Variants in MAN1B1 observed in about 807,000 individuals in gnomAD.
MAN1B1 encodes the protein endoplasmic reticulum mannosyl-oligosaccharide 1,2-alpha-mannosidase.
In MAN1B1, 66 loss-of-function variants were observed where a neutral mutation model predicts 75.5. That is an observed-to-expected ratio of 0.87 (90% CI 0.72 to 1.07). The LOEUF is 1.07. Among genes scored for constraint, MAN1B1 ranks in the 50% least tolerant of loss-of-function variants. MAN1B1 has a pLI of 0.00. For synonymous variants in MAN1B1, 453 were observed against 382.8 expected (o/e 1.18, Z -2.14); for missense variants, 973 against 912.5 (o/e 1.07, Z -0.85).
chr9:137,088,311 T>C, intron 2 of MAN1B1, 128 bp downstream of exon 2: 1 of 1,607,536 alleles, frequency 6.2e-7, no homozygotes. Context: ...GAAATCAAGA[T>C]AAAGAGAAAG....
intron 3 of MAN1B1, among the ~76,000 whole-genome samples, chr9:137,092,980 T>G (rs1457643270): frequency 6.6e-6 from 1 of 152,230 alleles, no homozygotes; most frequent in Non-Finnish European, 1.5e-5. Flanking sequence ...CTGTTGTGAG[T>G]TAGAATATTT....
rs537025315 is a variant in MAN1B1 at position 137,108,238 on chromosome 9, C to T, written c.1897-150C>T. 39 of 706,630 alleles carry T rather than the reference C, an allele frequency of 5.5e-5. 1 individual carries two copies. The highest frequency in any genetic ancestry group is 3.0e-4 in the South Asian group (19 of 63,428). 43.8% of individuals were successfully genotyped at this position (706,630 alleles called of 1,614,324 possible). Reference sequence around the variant, plus strand: ...TGGGCTCCGGTGGAACCACACGGCTCGCCTGGGGGTGGCCATCATCCAGGC... The same window carrying T: ...TGGGCTCCGGTGGAACCACACGGCTTGCCTGGGGGTGGCCATCATCCAGGC... On this transcript the variant is annotated intron_variant, in intron 12 of 12. Coordinates refer to ENST00000371589, the MANE Select transcript of MAN1B1 (RefSeq NM_016219.5).
intron 12 of MAN1B1, chr9:137,108,055 G>C: frequency 3.3e-6 from 2 of 608,316 alleles, no homozygotes; most frequent in East Asian, 2.7e-5. Context: ...TCACTTCCTG[G>C]CTCTGCTGTG....
intron 3 of MAN1B1, 151 bp downstream of exon 3, chr9:137,089,156 G>T: frequency 1.0e-6 from 1 of 979,662 alleles, no homozygotes. Context: ...AATACTTGGG[G>T]AAAGAGAGGC....
intron 7 of MAN1B1, 112 bp downstream of exon 7, chr9:137,101,265 C>G: frequency 7.1e-7 from 1 of 1,402,866 alleles, no homozygotes; most frequent in Non-Finnish European, 1.0e-6. Flanking sequence ...TTCAAATGCA[C>G]TGGAGTCTGT....
Position 137,108,498 on chromosome 9 carries a change from C to T in MAN1B1, c.2007C>T (p.Phe669=). 6.2e-7 allele frequency: 1 copy of T among 1,614,032 alleles called. No individual in the cohort carries two copies. Among genetic ancestry groups the T allele is most frequent in the Non-Finnish European group, 8.5e-7 (1 of 1,180,022 alleles). Reference sequence around the variant, plus strand: ...TGGGGGAGACGCTCAAGTATCTGTTCTTGCTCTTCTCCGATGACCCAAACC... The same window carrying T: ...TGGGGGAGACGCTCAAGTATCTGTTTTTGCTCTTCTCCGATGACCCAAACC... ...FFLGETLKYL[F]LLFSDDPNLL... Residue 669 remains phenylalanine, a synonymous_variant, in exon 13 of 13, where the codon TTC becomes TTT. Transcript: ENST00000371589.
chr9:137,103,482 A>T (rs79755107), intron 8 of MAN1B1: 8 of 132,968 alleles, frequency 6.0e-5, no homozygotes, highest in African/African-American at 1.7e-4. Context: ...CGTGCAGGTC[A>T]GTGGTACACA....
intron 5 of MAN1B1, among the ~76,000 whole-genome samples, chr9:137,099,144 AAAG>A (rs1334763540): frequency 6.6e-6 from 1 of 152,186 alleles, no homozygotes; most frequent in African/African-American, 2.4e-5. Context: ...AAATTTAAAA[AAAG>A]GGAACGAAGG....
chr9:137,096,508 C>A, intron 4 of MAN1B1, 117 bp downstream of exon 4: 2 of 1,337,914 alleles, frequency 1.5e-6, no homozygotes, highest in Non-Finnish European at 2.1e-6. Flanking sequence ...ACAGTGTATG[C>A]TCTGTAATCT....
rs781073166 is a variant in MAN1B1 at position 137,107,337 on chromosome 9, C to G, written c.1654C>G (p.Leu552Val). ...CAGCCACATGGAGCTGGCCCAGGAG[C>G]TCATGGAGACTTGTTACCAGATGAA... ...PASHMELAQE[L>V]METCYQMNRQ... The change falls in exon 11 of 13, where the codon CTC (leucine) becomes GTC (valine). Residue 552 changes from leucine (L) to valine (V), a missense_variant. Physicochemically the swap from Leu to Val is conservative, Grantham distance 32. Transcript: ENST00000371589. 6.2e-7 allele frequency: 1 copy of G among 1,613,312 alleles called. No homozygotes were observed.
intron 10 of MAN1B1, 130 bp downstream of exon 10, chr9:137,106,939 G>T: frequency 7.6e-7 from 1 of 1,324,180 alleles, no homozygotes; most frequent in Non-Finnish European, 1.0e-6. Flanking sequence ...GTGGACCGTG[G>T]CTGCCTGGCC....
At chr9:137,100,809 G>A (rs1051862115) in intron 6 of MAN1B1, among the ~76,000 whole-genome samples, 196 bp from the exon 7 acceptor site, 2 of 152,070 alleles carry the variant, frequency 1.3e-5, no homozygotes, top group African/African-American at 2.4e-5. Context: ...TAGTAGAGAT[G>A]GGGTTTTCCC....
At chr9:137,095,829 C>T (rs1830637334) in intron 3 of MAN1B1, among the ~76,000 whole-genome samples, 1 of 152,176 alleles carries the variant, frequency 6.6e-6, no homozygotes, top group Non-Finnish European at 1.5e-5. Flanking sequence ...AACCCAGCTC[C>T]ATATGTCATC....
intron 8 of MAN1B1, chr9:137,105,421 G>A: frequency 5.5e-6 from 1 of 183,062 alleles, no homozygotes; most frequent in South Asian, 1.1e-4. Context: ...CTCAGAAAAT[G>A]GCCCCAGGCC....
At position 137,108,456 on chromosome 9, in the gene MAN1B1, G is replaced by A; in HGVS notation, c.1965G>A (p.Lys655=). The change falls in exon 13 of 13, where the codon AAG becomes AAA. Residue 655 remains lysine, a synonymous_variant. Transcript: ENST00000371589. The part of the protein sequence containing the change: ...QDPQKPEPRD[K]MESFFLGETL... ...CTCAGAAGCCCGAGCCTAGGGACAA[G>A]ATGGAGAGCTTCTTCCTGGGGGAGA... 3 of 1,613,978 alleles carry A rather than the reference G, an allele frequency of 1.9e-6. No individual in the cohort carries two copies. Among genetic ancestry groups the A allele is most frequent in the East Asian group, 2.2e-5 (1 of 44,886 alleles).
intron 3 of MAN1B1, among the ~76,000 whole-genome samples, chr9:137,093,579 CCAA>C (rs1341101976): frequency 6.6e-6 from 1 of 152,110 alleles, no homozygotes; most frequent in African/African-American, 2.4e-5. Context: ...GCCTGTAATC[CCAA>C]CACTTTGGGA....
intron 5 of MAN1B1, among the ~76,000 whole-genome samples, chr9:137,098,895 T>G (rs1830730159): frequency 6.6e-6 from 1 of 152,200 alleles, no homozygotes; most frequent in Non-Finnish European, 1.5e-5. Flanking sequence ...AGTCTTGCTT[T>G]GTCACTTCAC....
chr9:137,088,237 C>A (rs1830428012), intron 2 of MAN1B1, 54 bp downstream of exon 2: 1 of 1,613,678 alleles, frequency 6.2e-7, no homozygotes, highest in South Asian at 1.1e-5. Context: ...GTTGATTGGG[C>A]AGAAGCAATC....
At chr9:137,103,854 CTT>C (rs1830994345) in intron 8 of MAN1B1, 3 of 440,206 alleles carry the variant, frequency 6.8e-6, no homozygotes, top group African/African-American at 6.4e-5. Flanking sequence ...CACATTCACA[CTT>C]GCAGGCGTGC....
Sources: allele counts gnomAD v4.1 joint callset (sites outside exome capture counted in the v4.1 genomes callset), GRCh38; gene constraint gnomAD v4.1.1; transcripts MANE v1.5; gene names NCBI Gene and HGNC (gene_info 2026-07-23, HGNC 2026-07-21).